TNR: variants seen among roughly 807,000 people sequenced by gnomAD.
TNR encodes the protein tenascin-R.
Under a neutral mutation model 150.4 loss-of-function variants are expected in TNR, and 45 were observed. The ratio of observed to expected loss-of-function variants is 0.30; its 90% confidence interval spans 0.24 to 0.38. TNR has a LOEUF of 0.38. TNR is among the 10% of genes least tolerant of loss of function. TNR has a pLI of 1.00. For synonymous variants in TNR, 687 were observed against 678.4 expected (o/e 1.01, Z -0.20); for missense variants, 1,544 against 1,759.1 (o/e 0.88, Z 2.19).
rs977598551 is a variant in TNR at position 175,319,797 on chromosome 1, G to A, written c.*3560C>T. The A allele has an allele frequency of 1.3e-5, 2 of 152,136 alleles. No individual in the cohort carries two copies. Among genetic ancestry groups the A allele is most frequent in the African/African-American group, 2.4e-5 (1 of 41,406 alleles). The allele number at this position is 152,136 out of a possible 1,614,324, so 9.4% of individuals were successfully genotyped here. A position where few individuals can be genotyped will look rare whatever the true frequency, so the allele number is the denominator to read the frequency against. On this transcript the variant is annotated 3_prime_UTR_variant, in exon 23 of 23. Coordinates refer to ENST00000367674, the MANE Select transcript of TNR (RefSeq NM_003285.3). Reference sequence around the variant, plus strand: ...TCTCAACCCCGCTGACGTTTCACACGGGGTTTCAGGAGGTGACTGCCACCT... The same window carrying A: ...TCTCAACCCCGCTGACGTTTCACACAGGGTTTCAGGAGGTGACTGCCACCT...
intron 2 of TNR, among the ~76,000 whole-genome samples, chr1:175,443,298 C>T (rs1234603384): frequency 6.6e-6 from 1 of 152,072 alleles, no homozygotes; most frequent in African/African-American, 2.4e-5. Flanking sequence ...TATGAATTTC[C>T]TCCTCTGAAT....
chr1:175,570,942 G>A (rs1389267520), intron 1 of TNR, among the ~76,000 whole-genome samples: 1 of 152,068 alleles, frequency 6.6e-6, no homozygotes, highest in Non-Finnish European at 1.5e-5. Flanking sequence ...TCACCCAATA[G>A]GACCCAGAGA....
At chr1:175,417,075 G>GAAAGAAAGAAAGAAAGAAAAATAAAT in intron 2 of TNR, among the ~76,000 whole-genome samples, 1 of 138,278 alleles carries the variant, frequency 7.2e-6, no homozygotes, top group South Asian at 2.4e-4. Context: ...AAGAAAGAAA[G>GAAAGAAAGAAAGAAAGAAAAATAAAT]AAATCTAAGA....
chr1:175,538,577 T>C (rs1660381583), intron 1 of TNR, among the ~76,000 whole-genome samples: 1 of 152,204 alleles, frequency 6.6e-6, no homozygotes. Context: ...TGTAGCCTTA[T>C]GTTTTAGAGT....
intron 1 of TNR, among the ~76,000 whole-genome samples, chr1:175,588,843 T>A (rs1288077630): frequency 6.6e-6 from 1 of 152,164 alleles, no homozygotes; most frequent in African/African-American, 2.4e-5. Context: ...CCTAATCTCC[T>A]CAATTCTGGG....
chr1:175,706,530 C>T (rs1487336860), intron 1 of TNR, among the ~76,000 whole-genome samples: 1 of 152,136 alleles, frequency 6.6e-6, no homozygotes, highest in East Asian at 1.9e-4. Context: ...TCCTTGCTGT[C>T]ACCCTTTCCA....
At chr1:175,592,505 A>G (rs1245995346) in intron 1 of TNR, among the ~76,000 whole-genome samples, 1 of 151,220 alleles carries the variant, frequency 6.6e-6, no homozygotes, top group Non-Finnish European at 1.5e-5. Flanking sequence ...CCCTGGCTCG[A>G]GGAGCCGGAG....
intron 1 of TNR, among the ~76,000 whole-genome samples, chr1:175,651,347 G>C (rs1300316774): frequency 6.6e-6 from 1 of 152,038 alleles, no homozygotes; most frequent in Non-Finnish European, 1.5e-5. Context: ...TGAGGGGAAA[G>C]GTTACCTTGA....
intron 1 of TNR, chr1:175,538,718 A>C (rs984483771): frequency 6.6e-6 from 1 of 152,168 alleles, no homozygotes; most frequent in Admixed American, 6.5e-5. Flanking sequence ...TTGACTACCA[A>C]CGATACCCCT....
chr1:175,351,784 A>G (rs1209557001), intron 18 of TNR, among the ~76,000 whole-genome samples: 2 of 152,218 alleles, frequency 1.3e-5, no homozygotes, highest in Non-Finnish European at 2.9e-5. Flanking sequence ...TTCCAAACAC[A>G]GACATATCTT....
chr1:175,326,699 G>A (rs974320692), intron 21 of TNR, among the ~76,000 whole-genome samples: 3 of 151,926 alleles, frequency 2.0e-5, no homozygotes, highest in African/African-American at 4.8e-5. Context: ...AGACAGTCTC[G>A]CTCTGTTGCC....
At chr1:175,364,547 C>G (rs1297956367) in intron 12 of TNR, among the ~76,000 whole-genome samples, 1 of 152,176 alleles carries the variant, frequency 6.6e-6, no homozygotes, top group Non-Finnish European at 1.5e-5. Flanking sequence ...ACATCCAAAT[C>G]AACCCCATTC....
chr1:175,461,158 C>T (rs1429735669), intron 2 of TNR, among the ~76,000 whole-genome samples: 1 of 152,180 alleles, frequency 6.6e-6, no homozygotes, highest in African/African-American at 2.4e-5. Flanking sequence ...ACCTGGAAAC[C>T]CCAGGAAATG....
chr1:175,564,431 G>A (rs546398310), intron 1 of TNR, among the ~76,000 whole-genome samples: 5 of 152,222 alleles, frequency 3.3e-5, no homozygotes, highest in Non-Finnish European at 4.4e-5. Flanking sequence ...AGAAAATCTC[G>A]TGAGTGGTGG....
At chr1:175,662,356 C>T (rs954475489) in intron 1 of TNR, among the ~76,000 whole-genome samples, 3 of 152,018 alleles carry the variant, frequency 2.0e-5, no homozygotes, top group Admixed American at 6.5e-5. Flanking sequence ...CCACAAAGCC[C>T]GGTGGACTCA....
At chr1:175,355,748 T>C in intron 16 of TNR, 115 bp from the exon 17 acceptor site, 1 of 1,436,920 alleles carries the variant, frequency 7.0e-7, no homozygotes, top group South Asian at 1.3e-5. Context: ...GCTCACATGC[T>C]GACCCCTGCT....
chr1:175,348,127 T>A (rs1650886776), intron 18 of TNR, among the ~76,000 whole-genome samples: 1 of 152,134 alleles, frequency 6.6e-6, no homozygotes, highest in African/African-American at 2.4e-5. Flanking sequence ...AACTAGAAAA[T>A]ATATATTTTT....
intron 1 of TNR, among the ~76,000 whole-genome samples, chr1:175,565,391 A>G (rs1661601236): frequency 1.3e-5 from 2 of 152,322 alleles, no homozygotes; most frequent in South Asian, 4.2e-4. Context: ...TGACCTTTAC[A>G]AATATACAGT....
At position 175,406,388 on chromosome 1, in the gene TNR, C is replaced by T; in HGVS notation, c.327G>A (p.Glu109=). The change falls in exon 3 of 23, where the codon GAG becomes GAA. Residue 109 remains glutamate, a synonymous_variant. Coordinates refer to ENST00000367674, the MANE Select transcript of TNR (RefSeq NM_003285.3). The part of the protein sequence containing the change: ...AEYMGQTSDH[E]SQVTFTHRIN... The stretch of plus-strand genomic sequence containing the variant: ...TCCTGTGTGTAAAGGTGACCTGGCT[C>T]TCGTGGTCTGAGGTCTGGCCCATGT... 6.2e-7 allele frequency: 1 copy of T among 1,614,192 alleles called. No homozygotes were observed. The highest frequency in any genetic ancestry group is 8.5e-7 in the Non-Finnish European group (1 of 1,180,046).
Sources: allele counts gnomAD v4.1 joint callset (sites outside exome capture counted in the v4.1 genomes callset), GRCh38; gene constraint gnomAD v4.1.1; transcripts MANE v1.5; gene names NCBI Gene and HGNC (gene_info 2026-07-23, HGNC 2026-07-21).